The following LRBA variants were observed in gnomAD, a reference collection of about 807,000 sequenced individuals.
LRBA encodes the protein LPS responsive beige-like anchor protein, also known as lipopolysaccharide-responsive and beige-like anchor protein.
A neutral mutation model predicts 330.0 loss-of-function variants in LRBA; 176 were observed. The observed-to-expected ratio is 0.53, with a 90% CI of 0.47 to 0.60. LRBA has a LOEUF of 0.60. LRBA is among the 20% of genes least tolerant of loss of function. The pLI is 0.00. For missense variants in LRBA, 3,259 were observed against 3,444.8 expected, an observed-to-expected ratio of 0.95 and a Z score of 1.35; for synonymous variants, 1,230 against 1,193.0, an observed-to-expected ratio of 1.03 and a Z score of -0.64.
chr4:150,303,371 T>G (rs186953678), intron 52 of LRBA, among the ~76,000 whole-genome samples: 2 of 152,260 alleles, frequency 1.3e-5, no homozygotes, highest in Admixed American at 1.3e-4. Flanking sequence ...TAATATATTG[T>G]GATTGCAATT....
At chr4:150,377,099 C>A (rs950106323) in intron 47 of LRBA, among the ~76,000 whole-genome samples, 1 of 149,558 alleles carries the variant, frequency 6.7e-6, no homozygotes, top group Non-Finnish European at 1.5e-5. Context: ...TCAAGACCAG[C>A]CTGAGCAACA....
In LRBA at chr4:150,789,782, A is replaced by G. The variant is rs551960147; in HGVS notation, c.5580+8299T>C. On this transcript the variant is annotated intron_variant, in intron 34 of 56. Coordinates refer to ENST00000651943, the MANE Select transcript of LRBA (RefSeq NM_001364905.1). ...TCCTTAACTTCAGTAGATTGATTAG[A>G]ATAGGAAAAAAAAGTACTAAGTAAA... Among the ~76,000 whole-genome samples, 3 of 152,302 alleles carry G rather than the reference A, an allele frequency of 2.0e-5. No individual in the cohort carries two copies. The South Asian group carries it at 6.2e-4, about 32-fold the overall frequency.
At chr4:150,379,778 C>T (rs1211674785) in intron 47 of LRBA, among the ~76,000 whole-genome samples, 1 of 152,114 alleles carries the variant, frequency 6.6e-6, no homozygotes, top group Non-Finnish European at 1.5e-5. Flanking sequence ...TTAACACTAT[C>T]CACATATCAT....
chr4:150,521,469 G>C (rs1762918021), intron 40 of LRBA, among the ~76,000 whole-genome samples: 1 of 151,974 alleles, frequency 6.6e-6, no homozygotes, highest in Non-Finnish European at 1.5e-5. Flanking sequence ...TGCCTGGTCT[G>C]GTCTTGAACT....
At chr4:150,983,178 C>A (rs1378799612) in intron 2 of LRBA, among the ~76,000 whole-genome samples, 1 of 152,120 alleles carries the variant, frequency 6.6e-6, no homozygotes, top group Admixed American at 6.6e-5. Flanking sequence ...AAGTTTTTAG[C>A]CAGGTGCAGT....
intron 51 of LRBA, chr4:150,310,640 C>T: frequency 3.0e-6 from 1 of 338,450 alleles, no homozygotes; most frequent in Non-Finnish European, 5.4e-6. Context: ...GAACACAATT[C>T]ACAGAACATG....
intron 22 of LRBA, among the ~76,000 whole-genome samples, chr4:150,861,245 G>A (rs932009219): frequency 2.0e-5 from 3 of 150,142 alleles, no homozygotes; most frequent in African/African-American, 2.5e-5. Flanking sequence ...TAGAAATACA[G>A]GTGCATGCCA....
intron 52 of LRBA, among the ~76,000 whole-genome samples, chr4:150,307,823 T>A (rs1239435097): frequency 6.6e-6 from 1 of 152,146 alleles, no homozygotes; most frequent in East Asian, 1.9e-4. Flanking sequence ...ATCCACCCCA[T>A]AGACTTAAAC....
At chr4:150,438,090 CA>C (rs935163076) in intron 44 of LRBA, among the ~76,000 whole-genome samples, 1 of 152,162 alleles carries the variant, frequency 6.6e-6, no homozygotes, top group South Asian at 2.1e-4. Context: ...AATTCATTCT[CA>C]AAAAACATTC....
chr4:150,843,538 T>G (rs1231592288), intron 28 of LRBA, among the ~76,000 whole-genome samples: 1 of 152,202 alleles, frequency 6.6e-6, no homozygotes, highest in African/African-American at 2.4e-5. Flanking sequence ...CTTTAAAAAA[T>G]TAGAAACACC....
chr4:150,745,182 T>TTCA (rs1252545998), intron 35 of LRBA, among the ~76,000 whole-genome samples: 1 of 152,120 alleles, frequency 6.6e-6, no homozygotes, highest in Non-Finnish European at 1.5e-5. Context: ...TGTAGACTTG[T>TTCA]AAAACCCTAA....
intron 40 of LRBA, among the ~76,000 whole-genome samples, chr4:150,499,250 T>C (rs1581496703): frequency 1.3e-5 from 2 of 152,360 alleles, no homozygotes; most frequent in South Asian, 4.1e-4. Flanking sequence ...ATATAAATTT[T>C]CCCTTTATAA....
intron 2 of LRBA, among the ~76,000 whole-genome samples, chr4:150,968,310 TCTC>T (rs1441999836): frequency 1.3e-5 from 2 of 152,156 alleles, no homozygotes; most frequent in Non-Finnish European, 2.9e-5. Flanking sequence ...GCCGCACATC[TCTC>T]ATTTTAAGTA....
At chr4:150,733,576 TCA>T (rs34846017) in intron 36 of LRBA, among the ~76,000 whole-genome samples, 112,089 of 145,466 alleles carry the variant, frequency 0.77, 45,104 homozygotes, top group Non-Finnish European at 0.91. Flanking sequence ...TCTCTCTCTC[TCA>T]CACACACACA....
chr4:150,865,833 G>A (rs755855845), intron 22 of LRBA, among the ~76,000 whole-genome samples: 61 of 150,434 alleles, frequency 4.1e-4, no homozygotes, highest in Non-Finnish European at 7.2e-4. Context: ...CTCCTGCCTC[G>A]GCCCCCCAAG....
chr4:150,672,912 G>A (rs987730519), intron 37 of LRBA, among the ~76,000 whole-genome samples: 4 of 152,120 alleles, frequency 2.6e-5, no homozygotes, highest in African/African-American at 9.6e-5. Flanking sequence ...ATGCATCAAC[G>A]GAAGGAAGAA....
chr4:150,599,130 G>T lies in LRBA; in HGVS notation c.5923C>A (p.Arg1975Ser). The part of the protein sequence containing the change: ...HGAWGNSAVS[R>S]PLEFWRLDYW... ...TCAAGGCGCCAGAACTCAAGAGGAC[G>T]ACTACAATGAAACAGAGAAGCCACA... Residue 1975 changes from arginine to serine, a missense_variant and splice_region_variant, in exon 38 of 57, where the codon CGT becomes AGT. Coordinates refer to ENST00000651943, the MANE Select transcript of LRBA (RefSeq NM_001364905.1). The T allele has an allele frequency of 6.2e-7, 1 of 1,613,776 alleles. No homozygotes were observed. Among genetic ancestry groups the T allele is most frequent in the South Asian group, 1.1e-5 (1 of 91,012 alleles).
At chr4:150,819,055 G>C (rs1310584000) in intron 30 of LRBA, among the ~76,000 whole-genome samples, 2 of 151,916 alleles carry the variant, frequency 1.3e-5, no homozygotes, top group Non-Finnish European at 2.9e-5. Flanking sequence ...TATGCTTCTA[G>C]AATGGAATAT....
intron 40 of LRBA, among the ~76,000 whole-genome samples, chr4:150,502,787 G>A (rs1760457163): frequency 2.6e-5 from 4 of 152,206 alleles, no homozygotes; most frequent in Admixed American, 2.6e-4. Context: ...AGGGGTCAGG[G>A]AATTCCCTTT....
Sources: allele counts gnomAD v4.1 joint callset (sites outside exome capture counted in the v4.1 genomes callset), GRCh38; gene constraint gnomAD v4.1.1; transcripts MANE v1.5; gene names NCBI Gene and HGNC (gene_info 2026-07-23, HGNC 2026-07-21).